AUTS2: variants seen among roughly 807,000 people sequenced by gnomAD.
AUTS2 encodes the protein autism susceptibility gene 2 protein.
In AUTS2, 17 loss-of-function variants were observed where a neutral mutation model predicts 112.4. That is an observed-to-expected ratio of 0.15 (90% confidence interval 0.10 to 0.23). The LOEUF (loss-of-function observed/expected upper bound fraction) is 0.23. Among genes scored for constraint, AUTS2 ranks in the 10% least tolerant of loss-of-function variants. AUTS2 has a pLI of 1.00. For synonymous variants in AUTS2, 751 were observed against 702.7 expected (o/e 1.07, Z -1.09); for missense variants, 1,510 against 1,701.6 (o/e 0.89, Z 1.98).
intron 2 of AUTS2, among the ~76,000 whole-genome samples, chr7:69,907,853 A>T (rs1342384280): frequency 6.6e-6 from 1 of 152,194 alleles, no homozygotes; most frequent in Non-Finnish European, 1.5e-5. Context: ...GATGATCTTG[A>T]TTCTCTTATG....
intron 4 of AUTS2, among the ~76,000 whole-genome samples, chr7:70,256,302 C>T (rs1289190606): frequency 6.6e-6 from 1 of 151,988 alleles, no homozygotes; most frequent in East Asian, 1.9e-4. Flanking sequence ...TAAACTAGGG[C>T]TTCTTCTTCT....
chr7:70,455,076 T>C (rs1796680462), intron 5 of AUTS2, among the ~76,000 whole-genome samples: 1 of 152,126 alleles, frequency 6.6e-6, no homozygotes, highest in Admixed American at 6.5e-5. Context: ...ACCCATGTGT[T>C]GTTGTTGTTT....
chr7:70,790,671 G>A lies in AUTS2; in HGVS notation c.3455G>A (p.Arg1152Gln), dbSNP rs1791878332. The A allele has an allele frequency of 3.1e-6, 5 of 1,613,404 alleles. No homozygotes were observed. Among genetic ancestry groups the A allele is most frequent in the Non-Finnish European group, 4.2e-6 (5 of 1,179,914 alleles). Residue 1152 changes from arginine (R) to glutamine (Q), a missense_variant, in exon 19 of 19, where the codon CGG becomes CAG. Around this residue, in one of 3 missense-constraint regions of AUTS2, gnomAD observed 788 missense variants for 797.6 expected, o/e 0.99. Coordinates refer to ENST00000342771, the MANE Select transcript of AUTS2 (RefSeq NM_015570.4). This position sits in a 1 kb window ranked among gnomAD's most constrained non-coding sequence, Gnocchi z 7.6. ...GAGCGGGGAGGCCACCTGGACGAGC[G>A]GGAGCGCTTGCACATGCTCAGAGAA... ...EHERGGHLDE[R>Q]ERLHMLREDY...
chr7:70,031,465 G>T (rs1226180549), intron 2 of AUTS2, among the ~76,000 whole-genome samples: 1 of 152,134 alleles, frequency 6.6e-6, no homozygotes, highest in Non-Finnish European at 1.5e-5. Context: ...TCTAAAGATA[G>T]GCTGCTGCCT....
intron 4 of AUTS2, among the ~76,000 whole-genome samples, chr7:70,369,255 A>C (rs529634056): frequency 6.6e-6 from 1 of 152,180 alleles, no homozygotes; most frequent in Non-Finnish European, 1.5e-5. Context: ...CTGTAAATAC[A>C]TCTGCTGCTG....
chr7:70,590,148 G>A (rs576784193), intron 5 of AUTS2, among the ~76,000 whole-genome samples: 2,154 of 117,086 alleles, frequency 0.018, 57 homozygotes, highest in African/African-American at 0.072. Context: ...GTGTGTGTGT[G>A]TGTATGTATG....
chr7:70,139,307 AG>A (rs1806732077), intron 4 of AUTS2, among the ~76,000 whole-genome samples: 1 of 152,230 alleles, frequency 6.6e-6, no homozygotes, highest in East Asian at 1.9e-4. Flanking sequence ...GTCTAACCAT[AG>A]TTGCTTTTTA....
intron 4 of AUTS2, among the ~76,000 whole-genome samples, chr7:70,344,679 C>T (rs1791414234): frequency 6.6e-6 from 1 of 152,134 alleles, no homozygotes; most frequent in Admixed American, 6.5e-5. Context: ...GCAAGTTTAT[C>T]AAGAATAAGC....
chr7:70,333,723 C>T (rs985539045), intron 4 of AUTS2, among the ~76,000 whole-genome samples: 12 of 152,020 alleles, frequency 7.9e-5, no homozygotes, highest in African/African-American at 2.4e-4. Flanking sequence ...AACCAAACAC[C>T]GCATGTTCTC....
chr7:69,760,028 A>AT (rs1381973863), intron 1 of AUTS2, among the ~76,000 whole-genome samples: 3 of 151,478 alleles, frequency 2.0e-5, no homozygotes, highest in African/African-American at 7.3e-5. Context: ...ATGAAAAACC[A>AT]TTTTTTTCCA....
intron 4 of AUTS2, among the ~76,000 whole-genome samples, chr7:70,160,945 G>A (rs2129577368): frequency 6.6e-6 from 1 of 152,230 alleles, no homozygotes. Flanking sequence ...ATTGTAAATT[G>A]CATGCAAATT....
At chr7:69,656,231 A>G (rs543605242) in intron 1 of AUTS2, among the ~76,000 whole-genome samples, 1 of 152,140 alleles carries the variant, frequency 6.6e-6, no homozygotes, top group Non-Finnish European at 1.5e-5. Flanking sequence ...TTTCACAGCC[A>G]TTAGGAATCT....
intron 6 of AUTS2, among the ~76,000 whole-genome samples, chr7:70,762,310 T>C (rs1789611876): frequency 6.6e-6 from 1 of 152,190 alleles, no homozygotes; most frequent in South Asian, 2.1e-4. Context: ...GCTGCTGTTT[T>C]TTCTCATACA....
intron 2 of AUTS2, among the ~76,000 whole-genome samples, chr7:70,018,683 G>A (rs182651428): frequency 2.8e-4 from 43 of 152,276 alleles, no homozygotes; most frequent in African/African-American, 9.6e-4. Context: ...AATGTAAAAG[G>A]AGATTTACCA....
At chr7:69,953,416 G>A (rs1246647530) in intron 2 of AUTS2, among the ~76,000 whole-genome samples, 6 of 152,018 alleles carry the variant, frequency 3.9e-5, no homozygotes, top group African/African-American at 9.7e-5. Context: ...AAGTACTCTT[G>A]ATGGCAGCTG....
intron 2 of AUTS2, among the ~76,000 whole-genome samples, chr7:69,974,185 CT>C (rs1414261171): frequency 3.3e-5 from 5 of 151,570 alleles, no homozygotes; most frequent in African/African-American, 1.2e-4. Flanking sequence ...AAGTGGTCCA[CT>C]TCATCTAAGT....
intron 4 of AUTS2, among the ~76,000 whole-genome samples, chr7:70,260,103 C>T (rs186342997): frequency 6.6e-6 from 1 of 152,162 alleles, no homozygotes; most frequent in East Asian, 1.9e-4. Context: ...CGGTGGCTCA[C>T]ACCTGTAATC....
intron 6 of AUTS2, among the ~76,000 whole-genome samples, chr7:70,723,993 G>T (rs1488521802): frequency 6.6e-6 from 1 of 151,882 alleles, no homozygotes; most frequent in Non-Finnish European, 1.5e-5. Context: ...CCCGGTTCAA[G>T]CAGTTCTCCT....
chr7:70,417,893 C>A (rs1023191398), intron 4 of AUTS2, among the ~76,000 whole-genome samples: 5 of 152,180 alleles, frequency 3.3e-5, no homozygotes, highest in African/African-American at 1.2e-4. Flanking sequence ...CTGGCAGAAA[C>A]ACTGGGCCCT....
Sources: allele counts gnomAD v4.1 joint callset (sites outside exome capture counted in the v4.1 genomes callset), GRCh38; gene constraint gnomAD v4.1.1; regional missense constraint gnomAD v4.1.1; non-coding constraint Gnocchi (gnomAD v3.1); transcripts MANE v1.5; gene names NCBI Gene and HGNC (gene_info 2026-07-23, HGNC 2026-07-21).